The following DLGAP1 variants were observed in gnomAD, a reference collection of about 807,000 sequenced individuals.
The protein encoded by DLGAP1 is disks large-associated protein 1.
A neutral mutation model predicts 90.8 loss-of-function variants in DLGAP1; 11 were observed. That is an observed-to-expected ratio of 0.12 (90% CI 0.08 to 0.20). The LOEUF (loss-of-function observed/expected upper bound fraction) is 0.20. Ranked by LOEUF, DLGAP1 falls within the 10% of genes least tolerant of loss-of-function variation. The pLI is 1.00. For synonymous variants in DLGAP1, 558 were observed against 540.7 expected, an observed-to-expected ratio of 1.03 and a Z score of -0.44; for missense variants, 1,050 against 1,333.8, an observed-to-expected ratio of 0.79 and a Z score of 3.31.
At chr18:4,173,295 T>C (rs2077053451) in intron 1 of DLGAP1, among the ~76,000 whole-genome samples, 1 of 152,168 alleles carries the variant, frequency 6.6e-6, no homozygotes, top group Admixed American at 6.5e-5. Flanking sequence ...TTTAGCTAGA[T>C]ATATAGACTT....
intron 1 of DLGAP1, among the ~76,000 whole-genome samples, chr18:4,265,133 T>TCC (rs57824791): frequency 0.036 from 5,437 of 149,292 alleles, 141 homozygotes; most frequent in Middle Eastern, 0.052. Context: ...CTTCCTTCCT[T>TCC]TCCTCCCTCC....
intron 6 of DLGAP1, among the ~76,000 whole-genome samples, chr18:3,733,544 C>T (rs1002495806): frequency 1.3e-5 from 2 of 152,010 alleles, no homozygotes; most frequent in African/African-American, 4.8e-5. Context: ...GTTTTGTTTT[C>T]ACATCCCACC....
intron 7 of DLGAP1, among the ~76,000 whole-genome samples, chr18:3,668,943 C>T (rs1409817037): frequency 6.6e-6 from 1 of 152,030 alleles, no homozygotes; most frequent in Non-Finnish European, 1.5e-5. Context: ...GAGATCGCGC[C>T]ACTGCACTCC....
intron 2 of DLGAP1, among the ~76,000 whole-genome samples, chr18:4,132,711 T>G (rs2076335748): frequency 6.6e-6 from 1 of 152,110 alleles, no homozygotes. Flanking sequence ...AAAATTCTAC[T>G]CTAAAGTATC....
At chr18:4,375,537 A>C (rs2081997347) in intron 1 of DLGAP1, among the ~76,000 whole-genome samples, 1 of 152,164 alleles carries the variant, frequency 6.6e-6, no homozygotes, top group Admixed American at 6.6e-5. Flanking sequence ...AACCAACCTG[A>C]GACCAAAGCT....
At chr18:3,923,318 CTT>C (rs1032446244) in intron 3 of DLGAP1, among the ~76,000 whole-genome samples, 4 of 151,900 alleles carry the variant, frequency 2.6e-5, no homozygotes, top group African/African-American at 9.7e-5. Flanking sequence ...AAAATGATGT[CTT>C]GTTTTAATTT....
At chr18:4,017,549 T>C (rs1440402595) in intron 2 of DLGAP1, among the ~76,000 whole-genome samples, 1 of 152,168 alleles carries the variant, frequency 6.6e-6, no homozygotes, top group Admixed American at 6.5e-5. Context: ...CCCAAACAAA[T>C]AAACATCAGT....
At chr18:4,257,773 T>G (rs989911482) in intron 1 of DLGAP1, among the ~76,000 whole-genome samples, 1 of 151,870 alleles carries the variant, frequency 6.6e-6, no homozygotes, top group African/African-American at 2.4e-5. Context: ...TATAGATGCA[T>G]GCCACTATGC....
intron 9 of DLGAP1, among the ~76,000 whole-genome samples, chr18:3,534,835 G>T (rs544799567): frequency 6.6e-6 from 1 of 151,886 alleles, no homozygotes; most frequent in East Asian, 1.9e-4. Flanking sequence ...GAGATTACAG[G>T]TGTATGCCAC....
chr18:3,652,281 T>C (rs918794988), intron 7 of DLGAP1, among the ~76,000 whole-genome samples: 3 of 151,820 alleles, frequency 2.0e-5, no homozygotes, highest in South Asian at 2.1e-4. Flanking sequence ...CCCTTTGGGG[T>C]GTTTTTGGAC....
At chr18:3,807,955 A>AT (rs1345364466) in intron 5 of DLGAP1, among the ~76,000 whole-genome samples, 3 of 152,180 alleles carry the variant, frequency 2.0e-5, no homozygotes, top group African/African-American at 7.2e-5. Context: ...CTAAAGAGTA[A>AT]TTATATAGCA....
chr18:4,269,510 T>C (rs990254784), intron 1 of DLGAP1, among the ~76,000 whole-genome samples: 37 of 151,668 alleles, frequency 2.4e-4, no homozygotes, highest in South Asian at 4.2e-4. Flanking sequence ...CCCACCACCA[T>C]GCGCGGCTAA....
At chr18:3,539,948 C>A (rs1241889673) in intron 9 of DLGAP1, among the ~76,000 whole-genome samples, 1 of 152,162 alleles carries the variant, frequency 6.6e-6, no homozygotes, top group Non-Finnish European at 1.5e-5. Flanking sequence ...AATGCTAGCA[C>A]TCTGCTATTC....
intron 2 of DLGAP1, among the ~76,000 whole-genome samples, chr18:4,081,679 A>T (rs924366588): frequency 2.0e-5 from 3 of 152,212 alleles, no homozygotes; most frequent in Non-Finnish European, 4.4e-5. Context: ...TGGAGGAAGA[A>T]AGACTGAAGT....
chr18:3,805,840 A>G (rs2066535321), intron 5 of DLGAP1, among the ~76,000 whole-genome samples: 1 of 152,234 alleles, frequency 6.6e-6, no homozygotes, highest in Admixed American at 6.5e-5. Flanking sequence ...TTTCTCTAAC[A>G]ATTTCCAAAT....
chr18:3,947,129 C>A (rs1332053590), intron 3 of DLGAP1, among the ~76,000 whole-genome samples: 2 of 152,160 alleles, frequency 1.3e-5, no homozygotes, highest in East Asian at 3.9e-4. Flanking sequence ...TACACACAAC[C>A]ACTGCATTCC....
At chr18:3,885,403 C>T (rs1456213543) in intron 3 of DLGAP1, 1 of 152,176 alleles carries the variant, frequency 6.6e-6, no homozygotes, top group African/African-American at 2.4e-5. Flanking sequence ...AGAGCCATGT[C>T]ATAAGCCTTT....
intron 1 of DLGAP1, among the ~76,000 whole-genome samples, chr18:4,194,310 TC>T (rs2077454286): frequency 6.6e-6 from 1 of 152,236 alleles, no homozygotes; most frequent in African/African-American, 2.4e-5. Flanking sequence ...GGCCTCATTT[TC>T]CTAAGATTAA....
At chr18:4,317,108 C>A (rs367945858) in intron 1 of DLGAP1, among the ~76,000 whole-genome samples, 1 of 152,256 alleles carries the variant, frequency 6.6e-6, no homozygotes, top group African/African-American at 2.4e-5. Context: ...AATATTTCCA[C>A]GCAAAATGTG....
Sources: allele counts gnomAD v4.1 joint callset (sites outside exome capture counted in the v4.1 genomes callset), GRCh38; gene constraint gnomAD v4.1.1; transcripts MANE v1.5; gene names NCBI Gene and HGNC (gene_info 2026-07-23, HGNC 2026-07-21).